Variants in RUSF1 observed in about 807,000 individuals in gnomAD.
RUSF1 encodes RUS family member 1, also known as RUS1 family protein C16orf58.
RUSF1 carries 58 observed loss-of-function variants against 63.0 expected under a neutral mutation model. That is an observed-to-expected ratio of 0.92 (90% CI 0.75 to 1.15). The LOEUF is 1.15. RUSF1 is among the 50% of genes most tolerant of loss of function. RUSF1 has a pLI of 0.00. For missense variants in RUSF1, 652 were observed against 611.0 expected, an observed-to-expected ratio of 1.07 and a Z score of -0.71; for synonymous variants, 274 against 255.8, an observed-to-expected ratio of 1.07 and a Z score of -0.68.
rs1469335110 is a variant in RUSF1 at position 31,493,888 on chromosome 16, G to C, written c.751C>G (p.Pro251Ala). Residue 251 changes from proline (P) to alanine (A), a missense_variant, in exon 7 of 13, where the codon CCT becomes GCT. Coordinates refer to ENST00000327237, the MANE Select transcript of RUSF1 (RefSeq NM_022744.4). ...AGLLVSLLML[P>A]LVSGCPGFSL... ...TACCCAGGGCAACCTGACACCAGAGGGAGCATCAGGAGGCTGACCAAGAGC... is the reference window on the plus strand; with the variant it reads ...TACCCAGGGCAACCTGACACCAGAGCGAGCATCAGGAGGCTGACCAAGAGC... 2 of 1,614,190 alleles carry C rather than the reference G, an allele frequency of 1.2e-6. No individual in the cohort carries two copies. Among genetic ancestry groups the C allele is most frequent in the East Asian group, 2.2e-5 (1 of 44,872 alleles).
intron 10 of RUSF1, 59 bp downstream of exon 10, chr16:31,492,919 G>GGAAT: frequency 6.5e-7 from 1 of 1,530,800 alleles, no homozygotes; most frequent in Non-Finnish European, 8.9e-7. Context: ...CTAGGTTGGA[G>GGAAT]GAATGAGAGG....
rs772797077 is a variant in RUSF1 at position 31,493,509 on chromosome 16, G to T, written c.974C>A (p.Pro325Gln). The change falls in exon 9 of 13, where the codon CCG (proline) becomes CAG (glutamine). Residue 325 changes from proline to glutamine, a missense_variant. Pro to Gln is a moderately conservative substitution (Grantham distance 76). Coordinates refer to ENST00000327237, the MANE Select transcript of RUSF1 (RefSeq NM_022744.4). ...EPLWTGFWPA[P>Q]SLSLGVPLHR... is the part of the protein sequence containing the mutation. ...TAAGGGGACCCCCAGGGATAGAGAC[G>T]GAGCTGGCCAGAAACCTGTGGGAAG... The T allele has an allele frequency of 6.2e-7, 1 of 1,613,226 alleles. No individual in the cohort carries two copies. Among genetic ancestry groups the T allele is most frequent in the African/African-American group, 1.3e-5 (1 of 74,918 alleles).
At chr16:31,501,278 T>A (rs1479543437) in intron 2 of RUSF1, among the ~76,000 whole-genome samples, 2 of 151,786 alleles carry the variant, frequency 1.3e-5, no homozygotes, top group Non-Finnish European at 2.9e-5. Flanking sequence ...AGATGGCTAT[T>A]ATGGGATAAA....
chr16:31,492,718 G>C (rs892253689), intron 10 of RUSF1, among the ~76,000 whole-genome samples: 1 of 152,200 alleles, frequency 6.6e-6, no homozygotes, highest in African/African-American at 2.4e-5. Flanking sequence ...CTTCCTAAGA[G>C]TGCTGCAATG....
chr16:31,495,498 C>T (rs1054473092), intron 6 of RUSF1, among the ~76,000 whole-genome samples: 8 of 152,074 alleles, frequency 5.3e-5, no homozygotes, highest in African/African-American at 1.4e-4. Context: ...AGGTTAGTCC[C>T]GGATATGTCC....
At chr16:31,494,612 TG>T (rs924064924) in intron 6 of RUSF1, among the ~76,000 whole-genome samples, 4 of 152,114 alleles carry the variant, frequency 2.6e-5, no homozygotes, top group African/African-American at 9.7e-5. Flanking sequence ...GTGTATCAGT[TG>T]CTTTTTTGCC....
At chr16:31,505,998 C>T (rs2082656991) in intron 2 of RUSF1, among the ~76,000 whole-genome samples, 1 of 152,198 alleles carries the variant, frequency 6.6e-6, no homozygotes, top group South Asian at 2.1e-4. Flanking sequence ...TTACCCTGAA[C>T]ACACAATTTC....
chr16:31,491,054 A>C, intron 12 of RUSF1, 122 bp from the exon 13 acceptor site: 1 of 875,418 alleles, frequency 1.1e-6, no homozygotes, highest in African/African-American at 1.7e-5. Flanking sequence ...TGAGTATGGC[A>C]TAAAATGAGG....
In RUSF1 at chr16:31,489,889, A is replaced by C; in HGVS notation, c.*946T>G. On this transcript the variant is annotated 3_prime_UTR_variant, in exon 13 of 13. Transcript: ENST00000327237. ...CTGACAAAGCTGGGGGAGCAAGGCC[A>C]ACGGCTTTAAACACAAGCTCAGGGG... is the stretch of plus-strand genomic sequence containing the variant. The C allele has an allele frequency of 1.6e-6, 1 of 611,508 alleles. No individual in the cohort carries two copies. The highest frequency in any genetic ancestry group is 1.8e-5 in the South Asian group (1 of 55,544). 37.9% of individuals were successfully genotyped at this position (611,508 alleles called of 1,614,324 possible).
Position 31,490,992 on chromosome 16 carries a change from A to G in RUSF1, c.1310-60T>C, listed in dbSNP as rs73538353. 4.0e-5 allele frequency: 62 copies of G among 1,539,174 alleles called. No individual in the cohort carries two copies. In the African/African-American group the frequency reaches 8.0e-4, roughly 20 times the overall value. ...TGGGGACAAGGGTAAGGAGAGGCAC[A>G]GGCTGGGTGCAGGCTTTGTGCACTA... On this transcript the variant is annotated intron_variant, in intron 12 of 12. Transcript: ENST00000327237.
At chr16:31,491,591 C>CA (rs1038601065) in intron 12 of RUSF1, among the ~76,000 whole-genome samples, 4 of 148,390 alleles carry the variant, frequency 2.7e-5, no homozygotes, top group African/African-American at 1.0e-4. Context: ...GCTGGGATTA[C>CA]AGGTGTGAGC....
rs199577128 is a variant in RUSF1, at chr16:31,499,406, G to C, written c.496C>G (p.Leu166Val). 6.2e-7 allele frequency: 1 copy of C among 1,614,008 alleles called. No individual in the cohort carries two copies. Among genetic ancestry groups the C allele is most frequent in the African/African-American group, 1.3e-5 (1 of 75,044 alleles). ...KLDCNAKQWR[L>V]FADILNDVAM... ...ACGTCATTGAGGATGTCCGCAAAAA[G>C]CCTGGGGAGGGATCAGAGGTTAGAG... The change falls in exon 5 of 13, where the codon CTT (leucine) becomes GTT (valine). Residue 166 changes from leucine to valine, a missense_variant and splice_region_variant. By Grantham distance (32) the Leu-to-Val change is conservative. Coordinates refer to ENST00000327237, the MANE Select transcript of RUSF1 (RefSeq NM_022744.4).
intron 12 of RUSF1, 104 bp downstream of exon 12, chr16:31,491,905 C>T: frequency 3.1e-6 from 4 of 1,278,298 alleles, no homozygotes; most frequent in South Asian, 1.3e-5. Context: ...GGCCCAAGAA[C>T]CCAAGTCTTT....
In RUSF1 at chr16:31,507,852, G is replaced by T. The variant is rs1324575379; in HGVS notation, c.327C>A (p.Ser109=). The stretch of plus-strand genomic sequence containing the variant: ...CCAGCAAGACTGCCTGGGTGGCTAG[G>T]GAGCCGGAGAGGCTGGAAGCAAACG... ...VQAFASSLSG[S]LATQAVLLGI... is the part of the protein sequence containing the mutation. The change falls in exon 2 of 13, where the codon TCC becomes TCA. Residue 109 remains serine (S), a synonymous_variant. Transcript: ENST00000327237. 1 of 1,570,132 alleles carries T rather than the reference G, an allele frequency of 6.4e-7. No individual in the cohort carries two copies. The highest frequency in any genetic ancestry group is 1.2e-5 in the South Asian group (1 of 85,326).
At chr16:31,507,372 C>A (rs2082665269) in intron 2 of RUSF1, among the ~76,000 whole-genome samples, 1 of 152,240 alleles carries the variant, frequency 6.6e-6, no homozygotes, top group Admixed American at 6.5e-5. Context: ...TCTCCTCTCT[C>A]CTTCTCAGGA....
chr16:31,496,422 G>A (rs1160341604), intron 6 of RUSF1, among the ~76,000 whole-genome samples: 4 of 152,150 alleles, frequency 2.6e-5, no homozygotes, highest in Non-Finnish European at 5.9e-5. Flanking sequence ...TCAGCCTTAG[G>A]GGTGTCCCTA....
intron 6 of RUSF1, among the ~76,000 whole-genome samples, chr16:31,495,219 C>T (rs752641996): frequency 6.6e-6 from 1 of 152,144 alleles, no homozygotes; most frequent in African/African-American, 2.4e-5. Flanking sequence ...TGGATTGGTG[C>T]CCCTGACTAC....
intron 12 of RUSF1, among the ~76,000 whole-genome samples, chr16:31,491,758 C>A (rs1400544442): frequency 6.6e-6 from 1 of 151,866 alleles, no homozygotes; most frequent in Non-Finnish European, 1.5e-5. Context: ...ACCACAAGAG[C>A]AGAACCACAC....
rs761838757 is a variant in RUSF1 at position 31,492,166 on chromosome 16, G to GC, written c.1231+30dup. Reference sequence around the variant, plus strand: ...TGTCCTCTCTCCTCCCCACCCTGAGGCATCAGCAGTCTAAATCTTGAGGCA... The same window carrying GC: ...TGTCCTCTCTCCTCCCCACCCTGAGGCCATCAGCAGTCTAAATCTTGAGGCA... On this transcript the variant is annotated intron_variant, in intron 11 of 12. Coordinates refer to ENST00000327237, the MANE Select transcript of RUSF1 (RefSeq NM_022744.4). 2.5e-6 allele frequency: 4 copies of GC among 1,610,782 alleles called. No homozygotes were observed. The Admixed American group carries it at 6.7e-5, about 27-fold the overall frequency.
Sources: gnomAD v4.1 joint callset for allele counts (sites outside exome capture counted in the v4.1 genomes callset) on GRCh38, gnomAD v4.1.1 for gene constraint, MANE v1.5 for transcripts, NCBI Gene and HGNC (gene_info 2026-07-23, HGNC 2026-07-21) for gene names.